BMPR1B: variants seen among roughly 807,000 people sequenced by gnomAD.
The protein encoded by BMPR1B is bone morphogenetic protein receptor type-1B.
A neutral mutation model predicts 59.1 loss-of-function variants in BMPR1B; 12 were observed. That is an observed-to-expected ratio of 0.20 (90% CI 0.13 to 0.33). BMPR1B has a LOEUF of 0.33. BMPR1B is among the 10% of genes least tolerant of loss of function. The probability of loss-of-function intolerance (pLI) is 1.00; values close to 1 mark genes in which losing one functional copy is unlikely to be tolerated. For missense variants in BMPR1B, 550 were observed against 610.9 expected (o/e 0.90, Z 1.05); for synonymous variants, 237 against 207.3 (o/e 1.14, Z -1.23).
rs954976571 is a variant in BMPR1B at position 95,051,875 on chromosome 4, T to C, written c.-17-52533T>C. ...GGGAAAGTTCAGGCCAGAAGTTCAA[T>C]GTCTATAAAGTTCCATCCCCCATTC... On this transcript the variant is annotated intron_variant, in intron 3 of 12. Transcript: ENST00000515059. 8.6e-5 allele frequency: 103 copies of C among 1,201,174 alleles called. 1 individual carries two copies. Among genetic ancestry groups the C allele is most frequent in the Non-Finnish European group, 9.9e-5 (85 of 857,038 alleles). The allele number at this position is 1,201,174 out of a possible 1,614,324, so 74.4% of individuals were successfully genotyped here.
chr4:95,041,039 A>G (rs1374073501), intron 3 of BMPR1B, among the ~76,000 whole-genome samples: 1 of 152,162 alleles, frequency 6.6e-6, no homozygotes, highest in African/African-American at 2.4e-5. Flanking sequence ...TCTTTGAGAA[A>G]GTTATTAAGA....
At chr4:94,987,911 TA>T (rs758315034) in intron 2 of BMPR1B, among the ~76,000 whole-genome samples, 93 of 152,292 alleles carry the variant, frequency 6.1e-4, no homozygotes, top group Non-Finnish European at 1.1e-3. Flanking sequence ...AACAGTTGTT[TA>T]AAATGTCAGA....
At chr4:94,867,256 A>C (rs1157024282) in intron 1 of BMPR1B, among the ~76,000 whole-genome samples, 1 of 152,146 alleles carries the variant, frequency 6.6e-6, no homozygotes, top group South Asian at 2.1e-4. Flanking sequence ...CTTTCACCTT[A>C]AGTCTTGACC....
chr4:94,905,276 C>CGTCT (rs1206641493), intron 2 of BMPR1B, among the ~76,000 whole-genome samples: 2 of 152,052 alleles, frequency 1.3e-5, no homozygotes, highest in African/African-American at 2.4e-5. Flanking sequence ...CTGCTTTAGA[C>CGTCT]AGGCATAGCA....
rs562254595 is a variant in BMPR1B, at chr4:94,966,692, T to C, written c.-112-29348T>C. ...CATAGCCTTCACTTGCCTATGTCTA[T>C]ATTTGTAAATATTCTCAAGAGAGTT... On this transcript the variant is annotated intron_variant, in intron 2 of 12. Transcript: ENST00000515059. Among the ~76,000 whole-genome samples the C allele has an allele frequency of 1.8e-4, 27 of 152,344 alleles. 1 individual carries two copies. In the South Asian group the frequency reaches 3.1e-3, roughly 18 times the overall value.
chr4:94,766,338 T>A (rs890292206), intron 1 of BMPR1B, among the ~76,000 whole-genome samples: 1 of 151,738 alleles, frequency 6.6e-6, no homozygotes, highest in Non-Finnish European at 1.5e-5. Flanking sequence ...AATGAAGGGA[T>A]CATTCTTACT....
intron 3 of BMPR1B, among the ~76,000 whole-genome samples, chr4:95,031,264 A>T (rs558389363): frequency 1.3e-5 from 2 of 152,276 alleles, no homozygotes; most frequent in South Asian, 4.1e-4. Flanking sequence ...ATATTTGATG[A>T]AATTATGTGG....
intron 10 of BMPR1B, among the ~76,000 whole-genome samples, chr4:95,141,843 G>A (rs965790685): frequency 6.6e-6 from 1 of 152,208 alleles, no homozygotes; most frequent in Non-Finnish European, 1.5e-5. Context: ...CTGTCACACT[G>A]ATGTCCAGTG....
intron 3 of BMPR1B, among the ~76,000 whole-genome samples, chr4:95,019,396 G>T (rs1208279053): frequency 6.6e-6 from 1 of 152,172 alleles, no homozygotes; most frequent in Non-Finnish European, 1.5e-5. Flanking sequence ...CTTTACTTAA[G>T]AATTTGCAAG....
intron 1 of BMPR1B, among the ~76,000 whole-genome samples, chr4:94,854,287 T>C (rs1379202461): frequency 6.6e-6 from 1 of 152,194 alleles, no homozygotes; most frequent in Non-Finnish European, 1.5e-5. Context: ...GAAGTGCATT[T>C]TGAAAAATAA....
At chr4:95,061,160 AAC>A (rs58119571) in intron 3 of BMPR1B, among the ~76,000 whole-genome samples, 11,426 of 142,338 alleles carry the variant, frequency 0.08, 474 homozygotes, top group Middle Eastern at 0.1. Context: ...ATTTAGAATA[AAC>A]ACACACACAC....
At chr4:94,941,529 A>C (rs573037161) in intron 2 of BMPR1B, among the ~76,000 whole-genome samples, 1 of 152,320 alleles carries the variant, frequency 6.6e-6, no homozygotes, top group East Asian at 1.9e-4. Flanking sequence ...TTTTCTTTAT[A>C]GATTTTTAAA....
intron 1 of BMPR1B, among the ~76,000 whole-genome samples, chr4:94,848,731 A>C (rs1725445050): frequency 6.6e-6 from 1 of 152,194 alleles, no homozygotes; most frequent in Non-Finnish European, 1.5e-5. Context: ...GGAGTGAGAG[A>C]CCTGCTAGAG....
intron 1 of BMPR1B, among the ~76,000 whole-genome samples, chr4:94,858,237 A>G (rs1725846886): frequency 6.6e-6 from 1 of 152,180 alleles, no homozygotes; most frequent in African/African-American, 2.4e-5. Context: ...GGCGTGAGCC[A>G]CCGTGCCTGG....
At chr4:94,762,521 C>T (rs1015751507) in intron 1 of BMPR1B, among the ~76,000 whole-genome samples, 1 of 152,162 alleles carries the variant, frequency 6.6e-6, no homozygotes, top group African/African-American at 2.4e-5. Context: ...GCAAGCTAGG[C>T]ACTCACTGGC....
At chr4:94,913,398 C>A (rs1354618978) in intron 2 of BMPR1B, among the ~76,000 whole-genome samples, 1 of 152,174 alleles carries the variant, frequency 6.6e-6, no homozygotes. Flanking sequence ...TTGAAAAAGT[C>A]ACTTCCTTTT....
intron 2 of BMPR1B, among the ~76,000 whole-genome samples, chr4:94,966,464 G>A (rs1304158163): frequency 6.6e-6 from 1 of 151,994 alleles, no homozygotes; most frequent in Non-Finnish European, 1.5e-5. Context: ...AAGTACCCAT[G>A]GAAAAACTAA....
intron 2 of BMPR1B, among the ~76,000 whole-genome samples, chr4:94,889,453 G>A (rs1391924558): frequency 6.6e-6 from 1 of 152,028 alleles, no homozygotes; most frequent in Non-Finnish European, 1.5e-5. Context: ...ATTGAAATTG[G>A]GGTTTGTACA....
intron 3 of BMPR1B, among the ~76,000 whole-genome samples, chr4:95,085,432 C>A (rs1729502589): frequency 6.6e-6 from 1 of 152,186 alleles, no homozygotes; most frequent in South Asian, 2.1e-4. Flanking sequence ...AAGGAGACAT[C>A]TGGGTCTCAA....
Sources: allele counts gnomAD v4.1 joint callset (sites outside exome capture counted in the v4.1 genomes callset), GRCh38; gene constraint gnomAD v4.1.1; transcripts MANE v1.5; gene names NCBI Gene and HGNC (gene_info 2026-07-23, HGNC 2026-07-21).